MYPN: variants seen among roughly 807,000 people sequenced by gnomAD.
MYPN encodes sarcomeric protein myopalladin, 145 kDa (MYOP).
Under a neutral mutation model 129.4 loss-of-function variants are expected in MYPN, and 63 were observed. The observed-to-expected ratio is 0.49, with a 90% CI of 0.40 to 0.60. The LOEUF (loss-of-function observed/expected upper bound fraction) is 0.60, where lower values mean the gene tolerates loss of function less well. MYPN is among the 20% of genes least tolerant of loss of function. The pLI is 0.00. For missense variants in MYPN, 1,596 were observed against 1,635.4 expected (o/e 0.98, Z 0.42); for synonymous variants, 629 against 600.9 (o/e 1.05, Z -0.68).
At chr10:68,114,370 C>G (rs1190613537) in intron 1 of MYPN, 2 of 132,508 alleles carry the variant, frequency 1.5e-5, no homozygotes, top group Middle Eastern at 3.9e-3. Context: ...TTGACGGAGT[C>G]TTGCTCTTTT....
intron 1 of MYPN, among the ~76,000 whole-genome samples, chr10:68,113,791 G>A (rs894903632): frequency 6.6e-6 from 1 of 151,410 alleles, no homozygotes; most frequent in East Asian, 1.9e-4. Context: ...GTATATATTT[G>A]TGGTGTACAA....
chr10:68,174,710 A>G lies in MYPN; in HGVS notation c.2564+54A>G, dbSNP rs3814183. 1,240,421 of 1,521,220 alleles carry G rather than the reference A, an allele frequency of 0.82. 506,772 individuals are homozygous for G. The highest frequency in any genetic ancestry group is 0.9 in the East Asian group (39,781 of 44,380). 94.2% of individuals were successfully genotyped at this position (1,521,220 alleles called of 1,614,324 possible). On this transcript the variant is annotated intron_variant, in intron 11 of 19. Transcript: ENST00000358913. ...AGATGCTAGTTAAGAGTCGATGTGC[A>G]CATTGAATAGCTTGATCTGAAACAG...
chr10:68,101,054 A>T (rs1450853324), intron 1 of MYPN, among the ~76,000 whole-genome samples: 1 of 152,210 alleles, frequency 6.6e-6, no homozygotes, highest in African/African-American at 2.4e-5. Context: ...ATGGCATGCC[A>T]CAGATAAATA....
At chr10:68,168,170 A>T (rs532569332) in intron 10 of MYPN, among the ~76,000 whole-genome samples, 2 of 152,266 alleles carry the variant, frequency 1.3e-5, no homozygotes, top group South Asian at 4.1e-4. Flanking sequence ...CTGTTAACTA[A>T]ATCAGTCTCA....
chr10:68,094,326 G>T (rs937244348), intron 1 of MYPN, among the ~76,000 whole-genome samples: 30 of 151,548 alleles, frequency 2.0e-4, no homozygotes, highest in African/African-American at 6.3e-4. Context: ...GTGCAATGGC[G>T]CTATCTCGGC....
intron 10 of MYPN, among the ~76,000 whole-genome samples, chr10:68,172,138 G>A (rs1164113646): frequency 6.6e-6 from 1 of 152,188 alleles, no homozygotes. Context: ...CAAATTGCTT[G>A]AGCTCAGGAG....
chr10:68,093,268 AT>A (rs1224135021), intron 1 of MYPN, among the ~76,000 whole-genome samples: 3 of 152,126 alleles, frequency 2.0e-5, no homozygotes, highest in African/African-American at 7.2e-5. Flanking sequence ...GGTAAGTTTC[AT>A]TATATTTGCT....
intron 1 of MYPN, among the ~76,000 whole-genome samples, chr10:68,094,500 G>C (rs2041946736): frequency 6.6e-6 from 1 of 151,730 alleles, no homozygotes; most frequent in Non-Finnish European, 1.5e-5. Context: ...GACCTCAGGT[G>C]ATCCATCCAC....
At chr10:68,154,440 C>A (rs2042832902) in intron 6 of MYPN, among the ~76,000 whole-genome samples, 1 of 152,166 alleles carries the variant, frequency 6.6e-6, no homozygotes, top group Non-Finnish European at 1.5e-5. Context: ...GGCAGGAAAC[C>A]CTGAAATAAC....
At chr10:68,206,495 A>T (rs565140015) in intron 18 of MYPN, among the ~76,000 whole-genome samples, 2 of 152,252 alleles carry the variant, frequency 1.3e-5, no homozygotes, top group South Asian at 4.1e-4. Context: ...GATCTTTCTG[A>T]ACTTTGGTTG....
chr10:68,150,076 G>C lies in MYPN; in HGVS notation c.1282G>C (p.Gly428Arg), dbSNP rs1476165566. 2 of 1,613,784 alleles carry C rather than the reference G, an allele frequency of 1.2e-6. No individual in the cohort carries two copies. Among genetic ancestry groups the C allele is most frequent in the Non-Finnish European group, 1.7e-6 (2 of 1,179,880 alleles). ...CACCAATTACTTGCAGGGATTGGAT[G>C]GAAAACCTATCATTGCAGCTCCTGT... Reference protein sequence around the residue: ...SPTNYLQGLDGKPIIAAPVFT... With the variant: ...SPTNYLQGLDRKPIIAAPVFT... Residue 428 changes from glycine (G) to arginine (R), a missense_variant, in exon 6 of 20, where the codon GGA becomes CGA. Gly to Arg is a moderately radical substitution (Grantham distance 125). Transcript: ENST00000358913.
At chr10:68,136,811 G>T in intron 2 of MYPN, 3 of 1,366,764 alleles carry the variant, frequency 2.2e-6, no homozygotes, top group Non-Finnish European at 2.0e-6. Flanking sequence ...TTTTGAAATA[G>T]CTATTGATAT....
At chr10:68,164,456 T>C (rs141120951) in intron 8 of MYPN, among the ~76,000 whole-genome samples, 198 of 152,330 alleles carry the variant, frequency 1.3e-3, no homozygotes, top group African/African-American at 3.5e-3. Flanking sequence ...CACATGAGCA[T>C]TGGGGGACAT....
upstream of MYPN, among the ~76,000 whole-genome samples, chr10:68,108,106 T>A (rs1279873220): frequency 1.3e-5 from 2 of 152,188 alleles, no homozygotes; most frequent in East Asian, 3.8e-4. Context: ...AAAAAATAAA[T>A]CTGTACATTG....
At chr10:68,103,360 G>A (rs945126600), upstream of MYPN, among the ~76,000 whole-genome samples, 3 of 152,158 alleles carry the variant, frequency 2.0e-5, no homozygotes, top group Admixed American at 6.6e-5. Flanking sequence ...TCCCAGAAGT[G>A]TGTATTAGCC....
At chr10:68,131,760 T>G (rs898406852) in intron 2 of MYPN, among the ~76,000 whole-genome samples, 1 of 152,222 alleles carries the variant, frequency 6.6e-6, no homozygotes, top group Non-Finnish European at 1.5e-5. Flanking sequence ...GTTAGCTTTA[T>G]TCATAGGCAT....
intron 17 of MYPN, 116 bp from the exon 18 acceptor site, chr10:68,201,697 GGGGAGGGGTGCAGGCA>G (rs2043714652): frequency 1.0e-6 from 1 of 967,494 alleles, no homozygotes; most frequent in African/African-American, 1.6e-5. Flanking sequence ...GAACCTGGCA[GGGGAGGGGTGCAGGCA>G]GAGGTTGCAG....
At chr10:68,131,998 T>C (rs2042418805) in intron 2 of MYPN, among the ~76,000 whole-genome samples, 1 of 152,168 alleles carries the variant, frequency 6.6e-6, no homozygotes, top group South Asian at 2.1e-4. Context: ...AATCCTCTAT[T>C]TCGTATTTCA....
intron 8 of MYPN, 190 bp from the exon 9 acceptor site, chr10:68,165,512 C>T (rs2043039823): frequency 1.5e-6 from 1 of 681,276 alleles, no homozygotes; most frequent in African/African-American, 1.8e-5. Context: ...ATTGTTTCTA[C>T]ATTCTTTGAC....
Sources: gnomAD v4.1 joint callset for allele counts (sites outside exome capture counted in the v4.1 genomes callset) on GRCh38, gnomAD v4.1.1 for gene constraint, MANE v1.5 for transcripts, NCBI Gene and HGNC (gene_info 2026-07-23, HGNC 2026-07-21) for gene names.